Variants in SAMD8 observed in about 807,000 individuals in gnomAD.
SAMD8 encodes sphingomyelin synthase-related protein 1.
A neutral mutation model predicts 42.0 loss-of-function variants in SAMD8; 20 were observed. The observed-to-expected ratio is 0.48, with a 90% CI of 0.34 to 0.69. The LOEUF is 0.69. SAMD8 is among the 30% of genes least tolerant of loss of function. SAMD8 has a pLI of 0.01. For synonymous variants in SAMD8, 162 were observed against 173.0 expected (o/e 0.94, Z 0.50); for missense variants, 328 against 511.6 (o/e 0.64, Z 3.46).
chr10:75,132,015 T>C (rs1022169428), intron 1 of SAMD8, among the ~76,000 whole-genome samples: 8 of 152,334 alleles, frequency 5.3e-5, no homozygotes, highest in Middle Eastern at 6.8e-3. Context: ...TATTCTAATG[T>C]ATAGCCAGGG....
At chr10:75,168,422 C>T (rs908608809) in intron 3 of SAMD8, 119 bp from the exon 4 acceptor site, 2 of 1,502,560 alleles carry the variant, frequency 1.3e-6, no homozygotes, top group Non-Finnish European at 1.8e-6. Flanking sequence ...GATTTCTGTC[C>T]TCTTCAAAGA....
At chr10:75,119,188 G>A (rs1298195949) in intron 1 of SAMD8, among the ~76,000 whole-genome samples, 2 of 150,780 alleles carry the variant, frequency 1.3e-5, no homozygotes, top group Non-Finnish European at 2.9e-5. Context: ...ACGGAGTTTC[G>A]CTCTTGTTAC....
At chr10:75,107,720 G>A (rs532278532), upstream of SAMD8, among the ~76,000 whole-genome samples, 2 of 152,248 alleles carry the variant, frequency 1.3e-5, no homozygotes, top group Non-Finnish European at 2.9e-5. Context: ...GAGATTATAG[G>A]TGGGTGCCAC....
intron 1 of SAMD8, among the ~76,000 whole-genome samples, chr10:75,101,347 T>G (rs1191771331): frequency 1.3e-5 from 2 of 152,220 alleles, no homozygotes; most frequent in Non-Finnish European, 2.9e-5. Context: ...CACGTCTTAC[T>G]ATTATTATCA....
At chr10:75,105,763 G>T in intron 1 of SAMD8, 2 of 1,552,764 alleles carry the variant, frequency 1.3e-6, no homozygotes, top group South Asian at 2.4e-5. Flanking sequence ...CTGCCTCACG[G>T]TGATCACCGC....
At chr10:75,104,215 G>A (rs1848355427) in intron 1 of SAMD8, 2 of 624,668 alleles carry the variant, frequency 3.2e-6, no homozygotes, top group Non-Finnish European at 4.9e-6. Flanking sequence ...TGAGCCCTGT[G>A]CATAAGGTCA....
chr10:75,132,111 C>G (rs1849286375), intron 1 of SAMD8, among the ~76,000 whole-genome samples: 1 of 152,144 alleles, frequency 6.6e-6, no homozygotes, highest in Admixed American at 6.5e-5. Flanking sequence ...CCTACACTGT[C>G]TAGGAGAGAG....
chr10:75,102,104 C>A, intron 1 of SAMD8: 1 of 485,512 alleles, frequency 2.1e-6, no homozygotes, highest in Non-Finnish European at 3.7e-6. Flanking sequence ...CAGGCCCAGG[C>A]CTCTGTCCCA....
At chr10:75,117,317 G>C (rs1268456960) in intron 1 of SAMD8, among the ~76,000 whole-genome samples, 3 of 152,050 alleles carry the variant, frequency 2.0e-5, no homozygotes, top group Non-Finnish European at 4.4e-5. Context: ...CAGAACTCAG[G>C]AGGCTGAGGT....
chr10:75,163,161 G>A (rs1050021925), intron 2 of SAMD8, among the ~76,000 whole-genome samples: 2 of 152,062 alleles, frequency 1.3e-5, no homozygotes, highest in African/African-American at 2.4e-5. Flanking sequence ...TCCTGACCTC[G>A]TGATCCACCC....
At position 75,117,424 on chromosome 10, in the gene SAMD8, A is replaced by T. The variant is rs568273182; in HGVS notation, c.-16+5702A>T. On this transcript the variant is annotated intron_variant, in intron 1 of 5. Transcript: ENST00000542569. ...GTAAAGAGTGAGGCCCTATCTTAAA[A>T]AAAAAAAAGGGTGGGCGTGATGGCT... Among the ~76,000 whole-genome samples, 3 of 151,956 alleles carry T rather than the reference A, an allele frequency of 2.0e-5. No individual in the cohort carries two copies. In the South Asian group the frequency reaches 6.3e-4, roughly 32 times the overall value.
chr10:75,118,416 A>C (rs1848931936), intron 1 of SAMD8, among the ~76,000 whole-genome samples: 1 of 152,224 alleles, frequency 6.6e-6, no homozygotes, highest in African/African-American at 2.4e-5. Context: ...AGGGTGAGGC[A>C]GGCAGATCAC....
chr10:75,169,631 C>T (rs369099951), intron 4 of SAMD8, among the ~76,000 whole-genome samples: 7 of 146,264 alleles, frequency 4.8e-5, no homozygotes, highest in African/African-American at 7.5e-5. Context: ...AAAATGTTGC[C>T]GGCCAGGTGC....
rs779581262 is a variant in SAMD8 at position 75,178,248 on chromosome 10, T to A, written c.*1556T>A. On this transcript the variant is annotated 3_prime_UTR_variant, in exon 6 of 6. Coordinates refer to ENST00000542569, the MANE Select transcript of SAMD8 (RefSeq NM_001174156.2). ...CCCCAATTTGGGTCTGCTGTGAACA[T>A]CATTTTTGTATTTCTCACTTGAGAA... 1.2e-4 allele frequency: 19 copies of A among 152,236 alleles called. No individual in the cohort carries two copies. Among genetic ancestry groups the A allele is most frequent in the Admixed American group, 2.0e-4 (3 of 15,276 alleles). The allele number at this position is 152,236 out of a possible 1,614,324, so 9.4% of individuals were successfully genotyped here.
intron 2 of SAMD8, among the ~76,000 whole-genome samples, chr10:75,153,500 G>T (rs1840338772): frequency 6.6e-6 from 1 of 151,642 alleles, no homozygotes; most frequent in Non-Finnish European, 1.5e-5. Context: ...AATTATCTCA[G>T]CTACTCAGGA....
rs535512539 is a variant in SAMD8, at chr10:75,104,402, T to G, written c.-16+4674T>G. Among the ~76,000 whole-genome samples, 6 of 152,296 alleles carry G rather than the reference T, an allele frequency of 3.9e-5. No homozygotes were observed. In the East Asian group the frequency reaches 1.2e-3, roughly 29 times the overall value. ...TCCTGGGGCCTCCAGTTGCACAGTT[T>G]GGTGGATGACACCTCCATGAATTGT... On this transcript the variant is annotated intron_variant, in intron 1 of 3. Coordinates refer to the SAMD8 transcript ENST00000447533.
chr10:75,105,909 C>G (rs779412487), intron 1 of SAMD8: 12 of 1,528,768 alleles, frequency 7.8e-6, no homozygotes, highest in Non-Finnish European at 1.1e-5. Flanking sequence ...TCCCACACAC[C>G]GGCCCACCCA....
chr10:75,141,705 C>T (rs1043569629), intron 1 of SAMD8, among the ~76,000 whole-genome samples: 9 of 151,784 alleles, frequency 5.9e-5, no homozygotes. Flanking sequence ...CCATGCCCGG[C>T]TAATTTTTTG....
chr10:75,111,871 A>C, intron 1 of SAMD8, 149 bp downstream of exon 1: 4 of 986,292 alleles, frequency 4.1e-6, no homozygotes, highest in Non-Finnish European at 3.9e-6. Flanking sequence ...CGGGATAGTC[A>C]GCTCTGGAAT....
Sources: gnomAD v4.1 joint callset for allele counts (sites outside exome capture counted in the v4.1 genomes callset) on GRCh38, gnomAD v4.1.1 for gene constraint, MANE v1.5 for transcripts, NCBI Gene and HGNC (gene_info 2026-07-23, HGNC 2026-07-21) for gene names.